PLK2: variants seen among roughly 807,000 people sequenced by gnomAD.
PLK2 encodes serine/threonine-protein kinase PLK2.
A neutral mutation model predicts 78.1 loss-of-function variants in PLK2; 25 were observed. The observed-to-expected ratio is 0.32, with a 90% confidence interval of 0.23 to 0.45. The LOEUF (loss-of-function observed/expected upper bound fraction) is 0.45, where lower values mean the gene tolerates loss of function less well. Ranked by LOEUF, PLK2 falls within the 20% of genes least tolerant of loss-of-function variation. PLK2 has a pLI of 1.00. For synonymous variants in PLK2, 332 were observed against 298.2 expected, an observed-to-expected ratio of 1.11 and a Z score of -1.17; for missense variants, 566 against 840.2, an observed-to-expected ratio of 0.67 and a Z score of 4.04.
Position 58,455,355 on chromosome 5 carries a change from G to A in PLK2, c.1685C>T (p.Pro562Leu). 6.2e-7 allele frequency: 1 copy of A among 1,613,988 alleles called. No homozygotes were observed. ...QCSVFPATDA[P>L]EQFISQVTVL... The stretch of plus-strand genomic sequence containing the variant: ...CGTCACTTGACTAATAAATTGCTCA[G>A]GAGCATCTGTTGCTGGGAAAACTGA... The change falls in exon 12 of 14, where the codon CCT becomes CTT. Residue 562 changes from proline to leucine, a missense_variant. Around this residue, in one of 5 missense-constraint regions of PLK2, gnomAD observed 130 missense variants for 196.4 expected, o/e 0.66. Coordinates refer to ENST00000274289, the MANE Select transcript of PLK2 (RefSeq NM_006622.4).
intron 10 of PLK2, 29 bp downstream of exon 10, chr5:58,455,997 T>G (rs762196579): frequency 1.3e-6 from 2 of 1,598,336 alleles, no homozygotes; most frequent in East Asian, 4.5e-5. Context: ...CGAGTTTCAT[T>G]ATTTAAAATA....
intron 5 of PLK2, 62 bp downstream of exon 5, chr5:58,458,022 A>C (rs894142485): frequency 1.6e-5 from 15 of 947,396 alleles, no homozygotes; most frequent in Non-Finnish European, 2.6e-5. Flanking sequence ...TTAAATGCAA[A>C]ATAATGAAGG....
In PLK2 at chr5:58,459,907, C is replaced by T; in HGVS notation, c.53G>A (p.Cys18Tyr). 1.2e-6 allele frequency: 2 copies of T among 1,612,268 alleles called. No homozygotes were observed. The highest frequency in any genetic ancestry group is 1.7e-6 in the Non-Finnish European group (2 of 1,179,684). ...TYQPAASTKMCEQALGKGCGA... is the reference protein window; with the variant it reads ...TYQPAASTKMYEQALGKGCGA... ...GCAACCCTTGCCCAGCGCCTGCTCG[C>T]ACATTTTGGTGCTGGCGGCTGGCTG... is the stretch of plus-strand genomic sequence containing the variant. Residue 18 changes from cysteine to tyrosine, a missense_variant, in exon 1 of 14, where the codon TGC (cysteine) becomes TAC (tyrosine). This residue lies in a region of PLK2 where 127 missense variants were observed against 122.5 expected (regional missense o/e 1.04). Coordinates refer to ENST00000274289, the MANE Select transcript of PLK2 (RefSeq NM_006622.4).
At chr5:58,456,240 C>A in intron 9 of PLK2, 85 bp from the exon 10 acceptor site, 2 of 1,321,776 alleles carry the variant, frequency 1.5e-6, no homozygotes, top group South Asian at 2.7e-5. Context: ...GAGAGTGAGG[C>A]AATTGCTGGG....
intron 5 of PLK2, 27 bp downstream of exon 5, chr5:58,458,057 A>G: frequency 7.0e-7 from 1 of 1,437,330 alleles, no homozygotes; most frequent in Non-Finnish European, 9.8e-7. Context: ...ACAAAAGTCT[A>G]CTAGGATGCA....
intron 6 of PLK2, 21 bp from the exon 7 acceptor site, chr5:58,457,400 C>A: frequency 6.3e-7 from 1 of 1,593,904 alleles, no homozygotes; most frequent in Non-Finnish European, 8.6e-7. Context: ...AGAAACACAT[C>A]TTTAGCAATG....
In PLK2 at chr5:58,459,771, C is replaced by A. The variant is rs755854701; in HGVS notation, c.189G>T (p.Ser63=). 1.2e-6 allele frequency: 2 copies of A among 1,607,570 alleles called. No individual in the cohort carries two copies. Among genetic ancestry groups the A allele is most frequent in the Admixed American group, 3.3e-5 (2 of 59,972 alleles). ...PAAPHHHHHH[S]HSGPEISRII... is the part of the protein sequence containing the mutation. ...TCCGCGAGATCTCCGGCCCCGAGTG[C>A]GAATGGTGGTGATGGTGGTGAGGGG... Residue 63 remains serine (S), a synonymous_variant, in exon 1 of 14, where the codon TCG becomes TCT. Coordinates refer to ENST00000274289, the MANE Select transcript of PLK2 (RefSeq NM_006622.4).
chr5:58,454,872 T>A, intron 13 of PLK2, 39 bp downstream of exon 13: 1 of 1,495,370 alleles, frequency 6.7e-7, no homozygotes, highest in Non-Finnish European at 9.3e-7. Context: ...TCTTTCTGTT[T>A]AGGACCTAAA....
At position 58,459,750 on chromosome 5, in the gene PLK2, C is replaced by G; in HGVS notation, c.210G>C (p.Ser70=). Residue 70 remains serine, a synonymous_variant, in exon 1 of 14, where the codon TCG becomes TCC. Coordinates refer to ENST00000274289, the MANE Select transcript of PLK2 (RefSeq NM_006622.4). ...HHHSHSGPEI[S]RIIVDPTTGK... Reference sequence around the variant, plus strand: ...CAGTCGTGGGGTCGACGATAATCCGCGAGATCTCCGGCCCCGAGTGCGAAT... The same window carrying G: ...CAGTCGTGGGGTCGACGATAATCCGGGAGATCTCCGGCCCCGAGTGCGAAT... The G allele has an allele frequency of 6.2e-7, 1 of 1,606,888 alleles. No individual in the cohort carries two copies. The highest frequency in any genetic ancestry group is 1.7e-5 in the Admixed American group (1 of 59,960).
At chr5:58,459,487 C>CT (rs1743697524) in intron 1 of PLK2, 1 of 592,460 alleles carries the variant, frequency 1.7e-6, no homozygotes, top group Admixed American at 3.0e-5. Flanking sequence ...ACACACAGTT[C>CT]TGAGGCTAAG....
chr5:58,454,617 T>C lies in PLK2; in HGVS notation c.2024A>G (p.Tyr675Cys), dbSNP rs1219894086. The C allele has an allele frequency of 1.2e-6, 2 of 1,613,818 alleles. No homozygotes were observed. Among genetic ancestry groups the C allele is most frequent in the African/African-American group, 2.7e-5 (2 of 74,932 alleles). ...TCTTTGTAAGAGCATGTTCAGGGCATATTCCATTCGATTTTTTAATTCTGA... is the reference window on the plus strand; with the variant it reads ...TCTTTGTAAGAGCATGTTCAGGGCACATTCCATTCGATTTTTTAATTCTGA... ...CSSELKNRME[Y>C]ALNMLLQRCN The change falls in exon 14 of 14, where the codon TAT (tyrosine) becomes TGT (cysteine). Residue 675 changes from tyrosine (Y) to cysteine (C), a missense_variant. Transcript: ENST00000274289.
At position 58,458,390 on chromosome 5, in the gene PLK2, A is replaced by G. The variant is rs754965187; in HGVS notation, c.625+9T>C. ...ACACAAAACTCAGCTTTTGGCGTCAATGACTTACCTAGTTTGAGATCTCTG... is the reference window on the plus strand; with the variant it reads ...ACACAAAACTCAGCTTTTGGCGTCAGTGACTTACCTAGTTTGAGATCTCTG... On this transcript the variant is annotated intron_variant, in intron 4 of 13. Coordinates refer to ENST00000274289, the MANE Select transcript of PLK2 (RefSeq NM_006622.4). 1 of 1,613,874 alleles carries G rather than the reference A, an allele frequency of 6.2e-7. No individual in the cohort carries two copies. Among genetic ancestry groups the G allele is most frequent in the Non-Finnish European group, 8.5e-7 (1 of 1,179,736 alleles).
intron 3 of PLK2, 61 bp from the exon 4 acceptor site, chr5:58,458,589 C>T (rs1743671498): frequency 6.6e-7 from 1 of 1,516,096 alleles, no homozygotes; most frequent in Non-Finnish European, 9.0e-7. Context: ...TCACTGGTTT[C>T]CCTTTGCAGG....
At position 58,455,427 on chromosome 5, in the gene PLK2, G is replaced by C. The variant is rs752956359; in HGVS notation, c.1626-13C>G. On this transcript the variant is annotated splice_polypyrimidine_tract_variant and intron_variant, in intron 11 of 13. Coordinates refer to ENST00000274289, the MANE Select transcript of PLK2 (RefSeq NM_006622.4). The stretch of plus-strand genomic sequence containing the variant: ...ATAGTGAACTGTTCTATAAAAACAG[G>C]AACGAAAGGGAGAGAAGAGGAAAAA... The C allele has an allele frequency of 1.9e-6, 3 of 1,613,144 alleles. No individual in the cohort carries two copies. The highest frequency in any genetic ancestry group is 4.5e-5 in the East Asian group (2 of 44,870).
At chr5:58,455,981 G>A (rs1252966472) in intron 10 of PLK2, 45 bp downstream of exon 10, 1 of 1,587,026 alleles carries the variant, frequency 6.3e-7, no homozygotes, top group South Asian at 1.1e-5. Flanking sequence ...TTTAGCACTG[G>A]CATTTCGAGT....
Position 58,457,338 on chromosome 5 carries a change from T to C in PLK2, c.851A>G (p.Asn284Ser). The change falls in exon 7 of 14, where the codon AAT (asparagine) becomes AGT (serine). Residue 284 changes from asparagine to serine, a missense_variant. Physicochemically the swap from Asn to Ser is conservative, Grantham distance 46. Coordinates refer to ENST00000274289, the MANE Select transcript of PLK2 (RefSeq NM_006622.4). The part of the protein sequence containing the change: ...LLGRPPFETT[N>S]LKETYRCIRE... ...TATGCACCTATAAGTTTCTTTGAGA[T>C]TTGTAGTTTCAAATGGGGGCCTCCC... is the stretch of plus-strand genomic sequence containing the variant. 6.2e-7 allele frequency: 1 copy of C among 1,613,724 alleles called. No homozygotes were observed. Among genetic ancestry groups the C allele is most frequent in the Non-Finnish European group, 8.5e-7 (1 of 1,179,572 alleles).
In PLK2 at chr5:58,457,172, T is replaced by C. The variant is rs577987591; in HGVS notation, c.1008+9A>G. On this transcript the variant is annotated intron_variant, in intron 7 of 13. Coordinates refer to ENST00000274289, the MANE Select transcript of PLK2 (RefSeq NM_006622.4). ...CCAGGTAATTAAAAAAAAAAGATAG[T>C]GCACCAACCTGCAAAAAAAAGTCAT... 3.8e-5 allele frequency: 61 copies of C among 1,611,358 alleles called. No individual in the cohort carries two copies. The Middle Eastern group carries it at 5.0e-4, about 13-fold the overall frequency.
At position 58,455,721 on chromosome 5, in the gene PLK2, T is replaced by A. The variant is rs968002546; in HGVS notation, c.1443A>T (p.Gly481=). 2.5e-6 allele frequency: 4 copies of A among 1,613,974 alleles called. No homozygotes were observed. The African/African-American group carries it at 4.0e-5, about 16-fold the overall frequency. Reference sequence around the variant, plus strand: ...CAGCTTCCGGCATGTTTTCCAGACATCCCCGAAGAACCCTTGCCACTGTGT... The same window carrying A: ...CAGCTTCCGGCATGTTTTCCAGACAACCCCGAAGAACCCTTGCCACTGTGT... The part of the protein sequence containing the change: ...VADTVARVLR[G]CLENMPEADC... Residue 481 remains glycine (G), a synonymous_variant, in exon 11 of 14, where the codon GGA becomes GGT. Coordinates refer to ENST00000274289, the MANE Select transcript of PLK2 (RefSeq NM_006622.4).
At position 58,454,187 on chromosome 5, in the gene PLK2, G is replaced by C. The variant is rs1743536822; in HGVS notation, c.*396C>G. ...ATAGTTCACAGTTACGCAGCCAAAA[G>C]CTGCTCCAATTACAGCCTTTAAACA... On this transcript the variant is annotated 3_prime_UTR_variant, in exon 14 of 14. Coordinates refer to ENST00000274289, the MANE Select transcript of PLK2 (RefSeq NM_006622.4). The C allele has an allele frequency of 6.1e-6, 1 of 162,770 alleles. No individual in the cohort carries two copies. The highest frequency in any genetic ancestry group is 1.3e-5 in the Non-Finnish European group (1 of 75,322). 10.1% of individuals were successfully genotyped at this position (162,770 alleles called of 1,614,324 possible).
Sources: gnomAD v4.1 joint callset for allele counts on GRCh38, gnomAD v4.1.1 for gene constraint, gnomAD v4.1.1 regional missense constraint, MANE v1.5 for transcripts, NCBI Gene and HGNC (gene_info 2026-07-23, HGNC 2026-07-21) for gene names.